Variants in HNF4G observed in about 807,000 individuals in gnomAD.
The protein encoded by HNF4G is hepatocyte nuclear factor 4-gamma.
Under a neutral mutation model 50.9 loss-of-function variants are expected in HNF4G, and 21 were observed. That is an observed-to-expected ratio of 0.41 (90% CI 0.29 to 0.59). The LOEUF is 0.59. Ranked by LOEUF, HNF4G falls within the 20% of genes least tolerant of loss-of-function variation. HNF4G has a pLI of 0.26. For missense variants in HNF4G, 527 were observed against 559.4 expected (o/e 0.94, Z 0.58); for synonymous variants, 198 against 185.6 (o/e 1.07, Z -0.54).
At chr8:75,474,266 CA>C (rs750867751) in intron 1 of HNF4G, among the ~76,000 whole-genome samples, 4 of 152,212 alleles carry the variant, frequency 2.6e-5, no homozygotes, top group Admixed American at 2.0e-4. Flanking sequence ...TTTTAATCAA[CA>C]ATGTGGCATT....
At position 75,467,756 on chromosome 8, in the gene HNF4G, C is replaced by T. The variant is rs566633345; in HGVS notation, c.-143-22333C>T. ...TATTTTACTTCCTTCTTCTAGACAT[C>T]AAGAAAAGTAATTATTTTTTTTTAA... On this transcript the variant is annotated intron_variant, in intron 1 of 10. Transcript: ENST00000354370. Among the ~76,000 whole-genome samples the T allele has an allele frequency of 7.0e-4, 107 of 151,986 alleles. 1 individual carries two copies. The highest frequency in any genetic ancestry group is 1.2e-3 in the Non-Finnish European group (80 of 67,996).
rs1309548789 is a variant in HNF4G at position 75,453,328 on chromosome 8, GTAGC to G, written c.-143-36753_-143-36750del. Among the ~76,000 whole-genome samples the G allele has an allele frequency of 2.6e-5, 4 of 152,052 alleles. No homozygotes were observed. In the East Asian group the frequency reaches 7.7e-4, roughly 29 times the overall value. ...GTAAAAACGCACCAGTCAGTGCTCT[GTAGC>G]TAGCTAGAGGTTTGTAAAATGCACC... On this transcript the variant is annotated intron_variant, in intron 1 of 10. Coordinates refer to the HNF4G transcript ENST00000354370.
chr8:75,488,561 A>G (rs562714588), intron 1 of HNF4G, among the ~76,000 whole-genome samples: 2 of 152,286 alleles, frequency 1.3e-5, no homozygotes, highest in South Asian at 2.1e-4. Flanking sequence ...TACAGGCATG[A>G]GCCACTATGC....
chr8:75,558,435 T>C lies in HNF4G; in HGVS notation c.734-83T>C, dbSNP rs557824973. The C allele has an allele frequency of 6.0e-5, 76 of 1,273,366 alleles. No individual in the cohort carries two copies. In the East Asian group the frequency reaches 1.7e-3, roughly 29 times the overall value. The allele number at this position is 1,273,366 out of a possible 1,614,324, so 78.9% of individuals were successfully genotyped here. On this transcript the variant is annotated intron_variant, in intron 6 of 9. Coordinates refer to ENST00000396423, the MANE Select transcript of HNF4G (RefSeq NM_004133.5). ...AAGGGTAGACTATTTTAAACACCGG[T>C]TTGTTAAATTTTAAACAGTGCTGAC...
chr8:75,549,835 C>T (rs1424553280), intron 3 of HNF4G, among the ~76,000 whole-genome samples: 1 of 151,926 alleles, frequency 6.6e-6, no homozygotes, highest in African/African-American at 2.4e-5. Flanking sequence ...GTTCAATTCC[C>T]ATCTATGAGT....
chr8:75,461,116 A>T (rs11780867), intron 1 of HNF4G, among the ~76,000 whole-genome samples: 6,038 of 152,190 alleles, frequency 0.04, 164 homozygotes, highest in African/African-American at 0.056. Flanking sequence ...TTTGCTTCCT[A>T]TTTCTGCTGT....
chr8:75,455,312 A>G (rs1811694322), intron 1 of HNF4G, among the ~76,000 whole-genome samples: 1 of 151,646 alleles, frequency 6.6e-6, no homozygotes. Context: ...ACCTCTTCCA[A>G]CTGTCTTTAT....
At chr8:75,448,607 T>C (rs1811491306) in intron 1 of HNF4G, among the ~76,000 whole-genome samples, 1 of 151,528 alleles carries the variant, frequency 6.6e-6, no homozygotes, top group Non-Finnish European at 1.5e-5. Flanking sequence ...TTGTAATATG[T>C]ATAAGGGGGA....
intron 2 of HNF4G, among the ~76,000 whole-genome samples, chr8:75,511,780 C>T (rs1319293663): frequency 6.6e-6 from 1 of 152,018 alleles, no homozygotes; most frequent in East Asian, 1.9e-4. Flanking sequence ...TTAGTAGAGA[C>T]GGGGTTTCAC....
intron 2 of HNF4G, among the ~76,000 whole-genome samples, chr8:75,546,158 T>C (rs1467741912): frequency 6.6e-6 from 1 of 152,170 alleles, no homozygotes; most frequent in Non-Finnish European, 1.5e-5. Flanking sequence ...TATGTATGGA[T>C]AATTTTTGCC....
intron 2 of HNF4G, among the ~76,000 whole-genome samples, chr8:75,529,472 A>T (rs1207148166): frequency 1.3e-5 from 2 of 152,200 alleles, no homozygotes; most frequent in Non-Finnish European, 2.9e-5. Context: ...AAAATGGGAT[A>T]TATCTTTATT....
chr8:75,438,672 C>T (rs940224218), intron 1 of HNF4G, among the ~76,000 whole-genome samples: 2 of 151,376 alleles, frequency 1.3e-5, no homozygotes, highest in South Asian at 4.2e-4. Flanking sequence ...TGCTTCCATT[C>T]TTATTTAATG....
chr8:75,468,494 G>A (rs1812041829), intron 1 of HNF4G, among the ~76,000 whole-genome samples: 1 of 152,106 alleles, frequency 6.6e-6, no homozygotes, highest in Non-Finnish European at 1.5e-5. Context: ...AGGAGTTCGA[G>A]ACCAGCCTGA....
chr8:75,495,693 A>G (rs1040034551), intron 2 of HNF4G, among the ~76,000 whole-genome samples: 1 of 151,972 alleles, frequency 6.6e-6, no homozygotes, highest in Non-Finnish European at 1.5e-5. Context: ...CCGTCCCACC[A>G]GGCCTGGCTA....
chr8:75,466,642 TCCCTTC>T (rs1811993716), intron 1 of HNF4G, among the ~76,000 whole-genome samples: 2 of 28,418 alleles, frequency 7.0e-5, no homozygotes, highest in African/African-American at 2.6e-4. Context: ...CCTTCTCCCT[TCCCTTC>T]CCTTCCCTTC....
chr8:75,416,679 G>A (rs894838063), intron 1 of HNF4G, among the ~76,000 whole-genome samples: 2 of 152,168 alleles, frequency 1.3e-5, no homozygotes, highest in African/African-American at 4.8e-5. Flanking sequence ...GAAAACTGCT[G>A]AAGTATTGTA....
intron 2 of HNF4G, among the ~76,000 whole-genome samples, chr8:75,534,489 C>T (rs1435983033): frequency 6.6e-6 from 1 of 151,804 alleles, no homozygotes. Context: ...TTTGTCTATC[C>T]TAACAGTAAC....
chr8:75,540,399 A>G (rs946115039), intron 1 of HNF4G, among the ~76,000 whole-genome samples: 2 of 152,146 alleles, frequency 1.3e-5, no homozygotes, highest in Non-Finnish European at 2.9e-5. Flanking sequence ...GTAATATGTC[A>G]TATTGGCAGA....
At chr8:75,463,870 G>T (rs966394809) in intron 1 of HNF4G, among the ~76,000 whole-genome samples, 11 of 151,466 alleles carry the variant, frequency 7.3e-5, no homozygotes, top group Non-Finnish European at 1.5e-4. Context: ...CACCTCCTGG[G>T]TTCAAGTGAT....
Sources: gnomAD v4.1 joint callset for allele counts (sites outside exome capture counted in the v4.1 genomes callset) on GRCh38, gnomAD v4.1.1 for gene constraint, MANE v1.5 for transcripts, NCBI Gene and HGNC (gene_info 2026-07-23, HGNC 2026-07-21) for gene names.